HOGA1: variants seen among roughly 807,000 people sequenced by gnomAD.
HOGA1 encodes 4-hydroxy-2-oxoglutarate aldolase 1, also known as 4-hydroxy-2-oxoglutarate aldolase, mitochondrial.
Under a neutral mutation model 34.3 loss-of-function variants are expected in HOGA1, and 30 were observed. That is an observed-to-expected ratio of 0.87 (90% CI 0.65 to 1.19). The LOEUF (loss-of-function observed/expected upper bound fraction) is 1.19, where lower values mean the gene tolerates loss of function less well. Among genes scored for constraint, HOGA1 ranks in the 50% most tolerant of loss-of-function variants. The probability of loss-of-function intolerance (pLI) is 0.00; values close to 1 mark genes in which losing one functional copy is unlikely to be tolerated. For synonymous variants in HOGA1, 161 were observed against 174.0 expected (o/e 0.93, Z 0.59); for missense variants, 417 against 436.5 (o/e 0.96, Z 0.40).
chr10:97,604,357 C>T (rs2041141993), intron 6 of HOGA1, among the ~76,000 whole-genome samples: 2 of 151,958 alleles, frequency 1.3e-5, no homozygotes, highest in Non-Finnish European at 2.9e-5. Context: ...AGGGTCTTGC[C>T]CTGTCACCGG....
intron 1 of HOGA1, among the ~76,000 whole-genome samples, chr10:97,594,364 T>A (rs893360919): frequency 2.0e-5 from 3 of 151,512 alleles, no homozygotes; most frequent in South Asian, 2.1e-4. Context: ...TAATTTTTTT[T>A]ATTTTTTTAA....
At chr10:97,596,323 C>G (rs1229018781) in intron 1 of HOGA1, among the ~76,000 whole-genome samples, 1 of 152,296 alleles carries the variant, frequency 6.6e-6, no homozygotes, top group Non-Finnish European at 1.5e-5. Context: ...GCCCCTGGAA[C>G]TGACCAGCAG....
At chr10:97,590,411 G>A (rs146752978) in intron 1 of HOGA1, 77 of 1,614,002 alleles carry the variant, frequency 4.8e-5, no homozygotes, top group Admixed American at 1.0e-4. Flanking sequence ...GAGGGCCCTC[G>A]AGGAGGTAGA....
intron 6 of HOGA1, among the ~76,000 whole-genome samples, chr10:97,606,066 C>T (rs74918626): frequency 0.049 from 7,101 of 144,152 alleles, 182 homozygotes; most frequent in South Asian, 0.073. Context: ...GGGTGGATCA[C>T]GAGGTCAGGA....
At chr10:97,596,499 G>C (rs916778084) in intron 1 of HOGA1, among the ~76,000 whole-genome samples, 2 of 152,150 alleles carry the variant, frequency 1.3e-5, no homozygotes, top group African/African-American at 4.8e-5. Context: ...GAGGGTGCTG[G>C]TCCAATCGTA....
chr10:97,590,392 G>A, intron 1 of HOGA1: 2 of 1,614,116 alleles, frequency 1.2e-6, no homozygotes, highest in Non-Finnish European at 1.7e-6. Flanking sequence ...ACATCAACCA[G>A]GAGGAGCTGA....
At chr10:97,597,312 G>A (rs1308144164) in intron 1 of HOGA1, among the ~76,000 whole-genome samples, 1 of 152,004 alleles carries the variant, frequency 6.6e-6, no homozygotes, top group Non-Finnish European at 1.5e-5. Context: ...CTGAAGTGCT[G>A]GGATTACAGG....
chr10:97,606,573 G>A (rs2041159963), intron 6 of HOGA1, among the ~76,000 whole-genome samples: 1 of 152,014 alleles, frequency 6.6e-6, no homozygotes. Context: ...ATTTGTGTGG[G>A]TCTATTTCTG....
intron 6 of HOGA1, among the ~76,000 whole-genome samples, chr10:97,611,185 C>T (rs545820646): frequency 6.6e-6 from 1 of 152,316 alleles, no homozygotes; most frequent in Admixed American, 6.5e-5. Flanking sequence ...GCTCTAGTGC[C>T]TAGACCTGCA....
At chr10:97,606,455 GT>G (rs1179320643) in intron 6 of HOGA1, among the ~76,000 whole-genome samples, 3 of 152,040 alleles carry the variant, frequency 2.0e-5, no homozygotes, top group East Asian at 1.9e-4. Flanking sequence ...AAGGTTTTGT[GT>G]TTTTTTTCCC....
rs185126952 is a variant in HOGA1 at position 97,603,656 on chromosome 10, G to T, written c.834+1666G>T. ...TTGGCTCACTGCAACCTCTGCCCCC[G>T]GGTTCAAGCAATTCTCCTGCCTCAG... On this transcript the variant is annotated intron_variant, in intron 6 of 6. Transcript: ENST00000370646. This position sits in a 1 kb window ranked among gnomAD's most constrained non-coding sequence, Gnocchi z 4.5. Among the ~76,000 whole-genome samples the T allele has an allele frequency of 6.6e-6, 1 of 151,832 alleles. No individual in the cohort carries two copies. The highest frequency in any genetic ancestry group is 1.5e-5 in the Non-Finnish European group (1 of 67,946).
At chr10:97,589,175 C>T (rs1223363617) in intron 1 of HOGA1, among the ~76,000 whole-genome samples, 1 of 152,076 alleles carries the variant, frequency 6.6e-6, no homozygotes, top group African/African-American at 2.4e-5. Flanking sequence ...CCATTGTGAC[C>T]TCATGTTAGT....
Position 97,601,901 on chromosome 10 carries a change from C to G in HOGA1, c.745C>G (p.Gln249Glu), listed in dbSNP as rs368276974. The G allele has an allele frequency of 4.3e-5, 70 of 1,612,540 alleles. No homozygotes were observed. The highest frequency in any genetic ancestry group is 2.0e-4 in the Middle Eastern group (1 of 4,940). Residue 249 changes from glutamine (Q) to glutamate (E), a missense_variant, in exon 6 of 7, where the codon CAG becomes GAG. By Grantham distance (29) the Gln-to-Glu change is conservative. Coordinates refer to ENST00000370646, the MANE Select transcript of HOGA1 (RefSeq NM_138413.4). Reference protein sequence around the residue: ...VCALANVLGAQVCQLERLCCT... With the variant: ...VCALANVLGAEVCQLERLCCT... ...CGCCCTGGCCAATGTCCTGGGGGCT[C>G]AGGTGTGCCAGCTGGAGCGACTGTG...
intron 1 of HOGA1, among the ~76,000 whole-genome samples, chr10:97,592,083 C>T (rs2041030055): frequency 1.3e-5 from 2 of 151,800 alleles, no homozygotes. Flanking sequence ...TCATAGTTCA[C>T]TGCAGCCTCA....
At position 97,584,571 on chromosome 10, in the gene HOGA1, C is replaced by T; in HGVS notation, c.-133C>T. 1 of 787,732 alleles carries T rather than the reference C, an allele frequency of 1.3e-6. No individual in the cohort carries two copies. Among genetic ancestry groups the T allele is most frequent in the Non-Finnish European group, 2.1e-6 (1 of 478,902 alleles). 48.8% of individuals were successfully genotyped at this position (787,732 alleles called of 1,614,324 possible). ...CTGGGAACACCCAGCTCAGGCCTGC[C>T]CCAGTGGCCACAAGTCAGGGAGGCC... On this transcript the variant is annotated 5_prime_UTR_variant, in exon 1 of 7. Transcript: ENST00000370646.
At position 97,604,300 on chromosome 10, in the gene HOGA1, G is replaced by A. The variant is rs1374167818; in HGVS notation, c.834+2310G>A. The stretch of plus-strand genomic sequence containing the variant: ...TTTTATTTCTGAGTAGGATACCATG[G>A]TATTGCCGTACCACAGCATGTTTAT... On this transcript the variant is annotated intron_variant, in intron 6 of 6. Transcript: ENST00000370646. Among the ~76,000 whole-genome samples the A allele has an allele frequency of 2.0e-5, 3 of 152,130 alleles. No individual in the cohort carries two copies. In the South Asian group the frequency reaches 6.2e-4, roughly 32 times the overall value.
At chr10:97,602,276 C>A (rs2041125137) in intron 6 of HOGA1, 2 of 1,387,446 alleles carry the variant, frequency 1.4e-6, no homozygotes, top group Admixed American at 2.2e-5. Flanking sequence ...AAACAAACAT[C>A]CTGTGTGATT....
intron 6 of HOGA1, among the ~76,000 whole-genome samples, chr10:97,606,130 A>C (rs920786622): frequency 7.4e-6 from 1 of 134,578 alleles, no homozygotes; most frequent in East Asian, 2.2e-4. Context: ...TAAAAATACA[A>C]AAAAAAAAAA....
chr10:97,598,056 T>C (rs1007941952), intron 1 of HOGA1, among the ~76,000 whole-genome samples: 9 of 152,262 alleles, frequency 5.9e-5, no homozygotes, highest in African/African-American at 1.4e-4. Context: ...CTTAGACATA[T>C]GCACAGAAGA....
Sources: allele counts gnomAD v4.1 joint callset (sites outside exome capture counted in the v4.1 genomes callset), GRCh38; gene constraint gnomAD v4.1.1; non-coding constraint Gnocchi (gnomAD v3.1); transcripts MANE v1.5; gene names NCBI Gene and HGNC (gene_info 2026-07-23, HGNC 2026-07-21).